MFNG: variants seen among roughly 807,000 people sequenced by gnomAD.
MFNG encodes the protein beta-1,3-N-acetylglucosaminyltransferase manic fringe.
In MFNG, 24 loss-of-function variants were observed where a neutral mutation model predicts 34.2. The observed-to-expected ratio is 0.70, with a 90% CI of 0.51 to 0.99. The LOEUF is 0.99. MFNG is among the 50% of genes least tolerant of loss of function. MFNG has a pLI of 0.00. For missense variants in MFNG, 383 were observed against 424.0 expected, an observed-to-expected ratio of 0.90 and a Z score of 0.85; for synonymous variants, 158 against 179.2, an observed-to-expected ratio of 0.88 and a Z score of 0.94.
chr22:37,472,623 G>T, intron 6 of MFNG, 95 bp from the exon 7 acceptor site: 3 of 1,206,422 alleles, frequency 2.5e-6, no homozygotes, highest in Admixed American at 2.6e-5. Context: ...GTTTTAAGCT[G>T]CAGGGAAAGC....
Position 37,485,385 on chromosome 22 carries a change from G to A in MFNG, c.255+538C>T, listed in dbSNP as rs925457882. On this transcript the variant is annotated intron_variant, in intron 1 of 7. Transcript: ENST00000356998. This position sits in a 1 kb window ranked among gnomAD's most constrained non-coding sequence, Gnocchi z 5.3. ...CAGAGACACAGCGGCAGGGGCTATC[G>A]GGAAGGCCGAAGGGATGCCTCCCCC... is the stretch of plus-strand genomic sequence containing the variant. Among the ~76,000 whole-genome samples the A allele has an allele frequency of 1.3e-5, 2 of 152,202 alleles. No individual in the cohort carries two copies. The highest frequency in any genetic ancestry group is 1.9e-4 in the East Asian group (1 of 5,188).
rs1045447302 is a variant in MFNG at position 37,485,741 on chromosome 22, G to A, written c.255+182C>T. Among the ~76,000 whole-genome samples the A allele has an allele frequency of 2.0e-5, 3 of 152,192 alleles. No individual in the cohort carries two copies. Among genetic ancestry groups the A allele is most frequent in the Non-Finnish European group, 2.9e-5 (2 of 68,026 alleles). On this transcript the variant is annotated intron_variant, in intron 1 of 7. Coordinates refer to ENST00000356998, the MANE Select transcript of MFNG (RefSeq NM_002405.4). This position sits in a 1 kb window ranked among gnomAD's most constrained non-coding sequence, Gnocchi z 5.3. ...TGGAGTCAGGACCAGTACAGGGCAC[G>A]GGCAGGGCCGCAGGCAGCCCCTAAA... is the stretch of plus-strand genomic sequence containing the variant.
chr22:37,481,680 T>C (rs1922296374), intron 1 of MFNG, among the ~76,000 whole-genome samples: 1 of 152,152 alleles, frequency 6.6e-6, no homozygotes, highest in Admixed American at 6.5e-5. Context: ...CCATTGAGCA[T>C]CAGGGGCCTT....
At chr22:37,480,408 C>T (rs1922240933) in intron 2 of MFNG, 109 bp from the exon 3 acceptor site, 1 of 849,348 alleles carries the variant, frequency 1.2e-6, no homozygotes, top group Admixed American at 2.3e-5. Flanking sequence ...AGCAGCCCAC[C>T]CACTCCCATT....
rs1922392052 is a variant in MFNG at position 37,483,478 on chromosome 22, T to A, written c.255+2445A>T. ...AGCTTGGAGCATGGGCCAAATGGGC[T>A]GAGGACTGTTTCCCGGTGAAGATCT... On this transcript the variant is annotated intron_variant, in intron 1 of 7. Coordinates refer to ENST00000356998, the MANE Select transcript of MFNG (RefSeq NM_002405.4). This position sits in a 1 kb window ranked among gnomAD's most constrained non-coding sequence, Gnocchi z 4.5. Among the ~76,000 whole-genome samples, 1 of 151,028 alleles carries A rather than the reference T, an allele frequency of 6.6e-6. No homozygotes were observed. The highest frequency in any genetic ancestry group is 2.1e-4 in the South Asian group (1 of 4,750).
chr22:37,472,355 C>T, intron 7 of MFNG, 88 bp downstream of exon 7: 1 of 1,000,014 alleles, frequency 1.0e-6, no homozygotes, highest in Non-Finnish European at 1.5e-6. Flanking sequence ...AAGCCTGTCC[C>T]ACTCCACTCC....
intron 1 of MFNG, among the ~76,000 whole-genome samples, chr22:37,481,855 G>A (rs1922303529): frequency 6.6e-6 from 1 of 152,178 alleles, no homozygotes; most frequent in African/African-American, 2.4e-5. Flanking sequence ...GCCTCCAACT[G>A]CAATGCTCCC....
chr22:37,484,787 G>A (rs1277570670), intron 1 of MFNG, among the ~76,000 whole-genome samples: 4 of 152,230 alleles, frequency 2.6e-5, no homozygotes, highest in Admixed American at 2.6e-4. Flanking sequence ...GGTGCTGGGG[G>A]CCAGCTGGGG....
chr22:37,479,494 A>G lies in MFNG; in HGVS notation c.412T>C (p.Phe138Leu), dbSNP rs1446731197. 3.1e-6 allele frequency: 5 copies of G among 1,610,384 alleles called. No homozygotes were observed. The highest frequency in any genetic ancestry group is 1.7e-5 in the Admixed American group (1 of 59,434). ...TAGTTGTCATCGTCCACATGGCAGAACCACCTGTAGGGATGAAACGGGGAC... is the reference window on the plus strand; with the variant it reads ...TAGTTGTCATCGTCCACATGGCAGAGCCACCTGTAGGGATGAAACGGGGAC... ...DTFLASGLRWFCHVDDDNYVN... is the reference protein window; with the variant it reads ...DTFLASGLRWLCHVDDDNYVN... The change falls in exon 4 of 8, where the codon TTC becomes CTC. Residue 138 changes from phenylalanine to leucine, a missense_variant. Phe to Leu is a conservative substitution (Grantham distance 22). Transcript: ENST00000356998.
chr22:37,476,875 C>T (rs1466092510), intron 5 of MFNG, 21 bp downstream of exon 5: 8 of 1,609,318 alleles, frequency 5.0e-6, no homozygotes, highest in Non-Finnish European at 6.0e-6. Context: ...CCTTCCTGCC[C>T]ACCCCTGGGT....
intron 6 of MFNG, among the ~76,000 whole-genome samples, chr22:37,474,067 G>T (rs1921928822): frequency 6.6e-6 from 1 of 152,172 alleles, no homozygotes; most frequent in African/African-American, 2.4e-5. Flanking sequence ...GGCAGGAACA[G>T]CACTGAGCAA....
intron 4 of MFNG, 25 bp from the exon 5 acceptor site, chr22:37,477,006 CAG>C (rs763824766): frequency 6.2e-7 from 1 of 1,604,794 alleles, no homozygotes; most frequent in Non-Finnish European, 8.5e-7. Flanking sequence ...GGCCAAGGGG[CAG>C]AGTGAGCCTG....
At chr22:37,481,043 C>T (rs1228770859) in intron 1 of MFNG, 1 of 498,094 alleles carries the variant, frequency 2.0e-6, no homozygotes, top group African/African-American at 1.9e-5. Context: ...ACCACAGCCA[C>T]ACACCTGGGC....
chr22:37,481,037 C>T (rs1922269708), intron 1 of MFNG: 1 of 506,416 alleles, frequency 2.0e-6, no homozygotes, highest in Non-Finnish European at 3.6e-6. Flanking sequence ...GACCCAACCA[C>T]AGCCACACAC....
chr22:37,484,142 G>C (rs903226606), intron 1 of MFNG: 4 of 152,174 alleles, frequency 2.6e-5, no homozygotes, highest in African/African-American at 9.7e-5. Context: ...GAGGAGAAAG[G>C]CTCGCCTTGA....
chr22:37,482,621 C>T lies in MFNG; in HGVS notation c.256-1852G>A, dbSNP rs1417675554. ...TTAGAGGCCCCTGCTATGTGTTCCT[C>T]AGCCCTCTGTTTCTCCTGTCACTAA... On this transcript the variant is annotated intron_variant, in intron 1 of 7. Coordinates refer to ENST00000356998, the MANE Select transcript of MFNG (RefSeq NM_002405.4). The surrounding 1 kb of genome is among the most constrained non-coding windows in gnomAD (Gnocchi z 4.1). Among the ~76,000 whole-genome samples, 1 of 152,164 alleles carries T rather than the reference C, an allele frequency of 6.6e-6. No homozygotes were observed. Among genetic ancestry groups the T allele is most frequent in the African/African-American group, 2.4e-5 (1 of 41,420 alleles).
intron 3 of MFNG, among the ~76,000 whole-genome samples, chr22:37,479,839 A>C (rs1254259477): frequency 6.6e-6 from 1 of 152,078 alleles, no homozygotes; most frequent in African/African-American, 2.4e-5. Context: ...CCCCGTCTCT[A>C]CTAAAATTAC....
At chr22:37,480,556 AG>A (rs1228970571) in intron 2 of MFNG, among the ~76,000 whole-genome samples, 164 bp downstream of exon 2, 54 of 152,158 alleles carry the variant, frequency 3.5e-4, no homozygotes, top group African/African-American at 1.3e-3. Context: ...CGCCCACACC[AG>A]TTTCCAGGGA....
At chr22:37,472,200 C>CA (rs1490011456) in intron 7 of MFNG, among the ~76,000 whole-genome samples, 1 of 152,220 alleles carries the variant, frequency 6.6e-6, no homozygotes, top group Non-Finnish European at 1.5e-5. Flanking sequence ...TCAGATCCAT[C>CA]ATGGCCAGCC....
Sources: gnomAD v4.1 joint callset for allele counts (sites outside exome capture counted in the v4.1 genomes callset) on GRCh38, gnomAD v4.1.1 for gene constraint, Gnocchi (gnomAD v3.1) non-coding constraint, MANE v1.5 for transcripts, NCBI Gene and HGNC (gene_info 2026-07-23, HGNC 2026-07-21) for gene names.